COMMD1: variants seen among roughly 807,000 people sequenced by gnomAD.
COMMD1 encodes COMM domain-containing protein 1.
Under a neutral mutation model 17.2 loss-of-function variants are expected in COMMD1, and 10 were observed. That is an observed-to-expected ratio of 0.58 (90% CI 0.36 to 0.99). The LOEUF is 0.99. COMMD1 is among the 50% of genes least tolerant of loss of function. The probability of loss-of-function intolerance (pLI) is 0.01; values close to 1 mark genes in which losing one functional copy is unlikely to be tolerated. For missense variants in COMMD1, 270 were observed against 231.8 expected (o/e 1.17, Z -1.07); for synonymous variants, 97 against 91.6 (o/e 1.06, Z -0.34).
intron 1 of COMMD1, among the ~76,000 whole-genome samples, chr2:61,896,818 T>C (rs4485551): frequency 0.32 from 47,051 of 146,718 alleles, 7,568 homozygotes; most frequent in African/African-American, 0.36. Context: ...TTTTTCCTTT[T>C]CTTTTTTTTT....
chr2:62,051,977 A>T (rs555562441), intron 2 of COMMD1, among the ~76,000 whole-genome samples: 1 of 152,206 alleles, frequency 6.6e-6, no homozygotes, highest in Non-Finnish European at 1.5e-5. Flanking sequence ...AGTAATAAAA[A>T]GTTCCTCATC....
chr2:61,985,058 T>C (rs1188808132), intron 1 of COMMD1, among the ~76,000 whole-genome samples: 3 of 141,732 alleles, frequency 2.1e-5, no homozygotes, highest in Admixed American at 6.9e-5. Flanking sequence ...TTTTTTTTTT[T>C]AATTTTTTTT....
At chr2:62,114,649 A>G (rs1403184226) in intron 2 of COMMD1, among the ~76,000 whole-genome samples, 1 of 152,158 alleles carries the variant, frequency 6.6e-6, no homozygotes, top group Non-Finnish European at 1.5e-5. Flanking sequence ...AAGCAGGCTC[A>G]TGTTCTTGGC....
chr2:62,054,671 T>A (rs1002811837), intron 2 of COMMD1, among the ~76,000 whole-genome samples: 28 of 151,834 alleles, frequency 1.8e-4, no homozygotes, highest in Non-Finnish European at 3.4e-4. Flanking sequence ...CAGGTGAATG[T>A]AGAGAGGTGG....
At chr2:61,968,503 C>G (rs554025045) in intron 1 of COMMD1, among the ~76,000 whole-genome samples, 1 of 151,962 alleles carries the variant, frequency 6.6e-6, no homozygotes, top group Admixed American at 6.6e-5. Flanking sequence ...AGGACAAAAT[C>G]AGTTTGCTTT....
At chr2:62,004,264 A>G (rs188654926) in intron 2 of COMMD1, among the ~76,000 whole-genome samples, 71 of 152,362 alleles carry the variant, frequency 4.7e-4, no homozygotes, top group African/African-American at 1.7e-3. Flanking sequence ...AATAGTCACA[A>G]TGAAAATGAT....
intron 1 of COMMD1, among the ~76,000 whole-genome samples, chr2:61,906,412 T>C (rs541199211): frequency 6.6e-6 from 1 of 152,366 alleles, no homozygotes; most frequent in South Asian, 2.1e-4. Flanking sequence ...ATATATCTTA[T>C]TTAATCCAGA....
At chr2:61,962,884 G>C (rs995292943) in intron 1 of COMMD1, among the ~76,000 whole-genome samples, 2 of 152,068 alleles carry the variant, frequency 1.3e-5, no homozygotes, top group African/African-American at 2.4e-5. Context: ...AATTGGGCCG[G>C]GTGTGGTAGC....
In COMMD1 at chr2:61,956,168, T is replaced by C. The variant is rs1000086204; in HGVS notation, c.181-44533T>C. 5.3e-4 allele frequency among the ~76,000 whole-genome samples: 80 copies of C among 152,242 alleles called. 1 individual carries two copies. Among genetic ancestry groups the C allele is most frequent in the Admixed American group, 2.6e-3 (40 of 15,300 alleles). ...AACAATGAAAAGTTGAGAAACAAGG[T>C]CTAATTTATACTCTGAATGTTGGTA... On this transcript the variant is annotated intron_variant, in intron 1 of 2. Coordinates refer to ENST00000311832, the MANE Select transcript of COMMD1 (RefSeq NM_152516.4).
At chr2:62,113,740 G>A (rs1344862546) in intron 2 of COMMD1, among the ~76,000 whole-genome samples, 1 of 152,202 alleles carries the variant, frequency 6.6e-6, no homozygotes, top group Non-Finnish European at 1.5e-5. Context: ...GATATAGTAT[G>A]TCCATTGTCA....
At chr2:61,895,538 TCAG>T (rs1262154067) in intron 1 of COMMD1, among the ~76,000 whole-genome samples, 1 of 152,096 alleles carries the variant, frequency 6.6e-6, no homozygotes, top group African/African-American at 2.4e-5. Context: ...CCCACCAACA[TCAG>T]TTTCATAGCA....
intron 1 of COMMD1, among the ~76,000 whole-genome samples, chr2:61,933,888 T>C (rs1572976811): frequency 6.6e-6 from 1 of 151,958 alleles, no homozygotes; most frequent in Admixed American, 6.6e-5. Context: ...CTCAGCCTCC[T>C]GAGTAGCTGG....
upstream of COMMD1, among the ~76,000 whole-genome samples, chr2:61,902,362 C>CA (rs1669674694): frequency 6.6e-6 from 1 of 151,488 alleles, no homozygotes; most frequent in African/African-American, 2.4e-5. Flanking sequence ...AAAAATTAGC[C>CA]AGGTGTGGTG....
intron 1 of COMMD1, among the ~76,000 whole-genome samples, chr2:61,968,460 C>A (rs1187124946): frequency 1.3e-5 from 2 of 152,146 alleles, no homozygotes; most frequent in East Asian, 1.9e-4. Context: ...TACAGTAAAT[C>A]ACATTTCACA....
intron 2 of COMMD1, among the ~76,000 whole-genome samples, chr2:62,075,710 G>C (rs570886882): frequency 4.6e-5 from 7 of 152,136 alleles, no homozygotes; most frequent in Non-Finnish European, 1.5e-5. Context: ...CTCCCACCCC[G>C]TTCTGAGAGC....
In COMMD1 at chr2:62,002,491, GAAAAAAAAAAAAAAA is replaced by G. The variant is rs11310507; in HGVS notation, c.462+1528_462+1542del. 6.1e-3 allele frequency among the ~76,000 whole-genome samples: 213 copies of G among 35,106 alleles called. 1 individual carries two copies. The highest frequency in any genetic ancestry group is 0.011 in the Admixed American group (19 of 1,806). 23.0% of individuals were successfully genotyped at this position (35,106 alleles called of 152,430 possible). A position where few individuals can be genotyped will look rare whatever the true frequency, so the allele number is the denominator to read the frequency against. Reference sequence around the variant, plus strand: ...GGGTGACAAGAGCGAGATTCCACCAGAAAAAAAAAAAAAAAAAAAAAAAAAAAAAAAAAGATAATT... The same window carrying G: ...GGGTGACAAGAGCGAGATTCCACCAGAAAAAAAAAAAAAAAAAAGATAATT... On this transcript the variant is annotated intron_variant, in intron 2 of 2. Transcript: ENST00000311832.
chr2:61,949,538 A>G (rs924550223), intron 1 of COMMD1, among the ~76,000 whole-genome samples: 1 of 152,204 alleles, frequency 6.6e-6, no homozygotes, highest in Non-Finnish European at 1.5e-5. Flanking sequence ...TGTGTAGAAG[A>G]TGGAGCCTCT....
At chr2:61,897,972 CCTA>C (rs1209859011) in intron 1 of COMMD1, among the ~76,000 whole-genome samples, 1 of 152,152 alleles carries the variant, frequency 6.6e-6, no homozygotes, top group African/African-American at 2.4e-5. Context: ...CCTCTCCTGA[CCTA>C]CTCCAGCTGA....
chr2:62,001,674 A>G (rs1031130893), intron 2 of COMMD1, among the ~76,000 whole-genome samples: 4 of 152,230 alleles, frequency 2.6e-5, no homozygotes, highest in Non-Finnish European at 4.4e-5. Context: ...ACCCAGGTCA[A>G]TGAATTAGCT....
Sources: gnomAD v4.1 joint callset for allele counts (sites outside exome capture counted in the v4.1 genomes callset) on GRCh38, gnomAD v4.1.1 for gene constraint, MANE v1.5 for transcripts, NCBI Gene and HGNC (gene_info 2026-07-23, HGNC 2026-07-21) for gene names.